Variants in MAMSTR observed in about 807,000 individuals in gnomAD.
MAMSTR encodes MEF2-activating motif and SAP domain-containing transcriptional regulator.
In MAMSTR, 41 loss-of-function variants were observed where a neutral mutation model predicts 42.7. That is an observed-to-expected ratio of 0.96 (90% CI 0.75 to 1.25). MAMSTR has a LOEUF of 1.25. Ranked by LOEUF, MAMSTR falls within the 50% of genes most tolerant of loss-of-function variation. MAMSTR has a pLI of 0.00. For synonymous variants in MAMSTR, 265 were observed against 244.1 expected, an observed-to-expected ratio of 1.09 and a Z score of -0.80; for missense variants, 567 against 557.6, an observed-to-expected ratio of 1.02 and a Z score of -0.17.
At chr19:48,707,772 A>G (rs1312469151), downstream of MAMSTR, among the ~76,000 whole-genome samples, 8 of 142,364 alleles carry the variant, frequency 5.6e-5, no homozygotes, top group Admixed American at 1.5e-4. Flanking sequence ...AAGAAAAGAG[A>G]AAGAAAGAAA....
intron 2 of MAMSTR, among the ~76,000 whole-genome samples, chr19:48,718,559 G>T (rs1277462121): frequency 2.6e-5 from 4 of 151,958 alleles, no homozygotes; most frequent in South Asian, 2.1e-4. Flanking sequence ...GGCTATACTT[G>T]CAGACTTTTT....
At chr19:48,713,808 G>A (rs1401934085) in intron 8 of MAMSTR, 38 bp from the exon 9 acceptor site, 1 of 1,614,198 alleles carries the variant, frequency 6.2e-7, no homozygotes, top group Admixed American at 1.7e-5. Flanking sequence ...TCGGGACTGC[G>A]ACCTGGACCT....
rs1332213370 is a variant in MAMSTR, at chr19:48,713,605, C to G, written c.965-55G>C. On this transcript the variant is annotated intron_variant, in intron 9 of 9. Coordinates refer to ENST00000318083, the MANE Select transcript of MAMSTR (RefSeq NM_001130915.2). ...GGAAAGTCAGGGGTCCGGGCGCCAG[C>G]CCCCCATACCCCATTTCCAGGATCC... 1.9e-6 allele frequency: 3 copies of G among 1,593,646 alleles called. No individual in the cohort carries two copies. In the East Asian group the frequency reaches 6.7e-5, roughly 36 times the overall value.
In MAMSTR at chr19:48,713,045, GC is replaced by G. The variant is rs1489576483; in HGVS notation, c.*221del. On this transcript the variant is annotated 3_prime_UTR_variant, in exon 10 of 10. Transcript: ENST00000318083. ...TTTGCCGTGGCCAGCAGCAAAAGAA[GC>G]CCCCCAACCATACCACGCCGGAGGG... The G allele has an allele frequency of 8.3e-6, 4 of 482,590 alleles. No individual in the cohort carries two copies. Among genetic ancestry groups the G allele is most frequent in the African/African-American group, 6.0e-5 (3 of 49,620 alleles). 29.9% of individuals were successfully genotyped at this position (482,590 alleles called of 1,614,324 possible). A position where few individuals can be genotyped will look rare whatever the true frequency, so the allele number is the denominator to read the frequency against.
At position 48,719,119 on chromosome 19, in the gene MAMSTR, G is replaced by T; in HGVS notation, c.-21-67C>A. On this transcript the variant is annotated intron_variant, in intron 1 of 9. Coordinates refer to ENST00000318083, the MANE Select transcript of MAMSTR (RefSeq NM_001130915.2). This position sits in a 1 kb window ranked among gnomAD's most constrained non-coding sequence, Gnocchi z 4.4. ...GGCTCAGAGTGGAGGTCAGGAGGCC[G>T]CCCCTGAGAGTGAATTCAGCAGGGA... The T allele has an allele frequency of 9.1e-7, 1 of 1,099,832 alleles. No homozygotes were observed. The highest frequency in any genetic ancestry group is 1.3e-6 in the Non-Finnish European group (1 of 744,316). 68.1% of individuals were successfully genotyped at this position (1,099,832 alleles called of 1,614,324 possible).
chr19:48,710,347 T>C (rs143059942), downstream of MAMSTR, among the ~76,000 whole-genome samples: 5,648 of 144,940 alleles, frequency 0.039, 172 homozygotes, highest in Non-Finnish European at 0.05. Context: ...ACTTCTGACC[T>C]CAGGTGATCC....
At chr19:48,718,256 C>T (rs2033119457) in intron 2 of MAMSTR, among the ~76,000 whole-genome samples, 1 of 152,184 alleles carries the variant, frequency 6.6e-6, no homozygotes, top group African/African-American at 2.4e-5. Flanking sequence ...TTTTTGTATA[C>T]TCCTTGCTCT....
At chr19:48,711,749 T>TA (rs1208602579), downstream of MAMSTR, among the ~76,000 whole-genome samples, 2,024 of 143,214 alleles carry the variant, frequency 0.014, 53 homozygotes, top group African/African-American at 0.049. Flanking sequence ...GTTTTTTTTT[T>TA]TTTTTTTTTT....
chr19:48,706,183 A>C, the MAMSTR span, among the ~76,000 whole-genome samples: 1 of 150,694 alleles, frequency 6.6e-6, no homozygotes, highest in Non-Finnish European at 1.5e-5. Context: ...GCTACTTGGC[A>C]GGCTTAAGCA....
chr19:48,710,273 TA>T (rs200433550), downstream of MAMSTR, among the ~76,000 whole-genome samples: 30 of 145,182 alleles, frequency 2.1e-4, no homozygotes, highest in African/African-American at 4.0e-4. Flanking sequence ...CCTGGCTAAT[TA>T]TTTTTTTTTT....
chr19:48,713,497 G>A lies in MAMSTR; in HGVS notation c.1018C>T (p.Pro340Ser), dbSNP rs889765949. 4.3e-6 allele frequency: 7 copies of A among 1,612,678 alleles called. No homozygotes were observed. The highest frequency in any genetic ancestry group is 2.2e-5 in the East Asian group (1 of 44,862). ...GAGAGGCCTTCAGAGTCCGGGGAGGGGGACAGCACGTCGAAGGAGCCAGGG... is the reference window on the plus strand; with the variant it reads ...GAGAGGCCTTCAGAGTCCGGGGAGGAGGACAGCACGTCGAAGGAGCCAGGG... Reference protein sequence around the residue: ...DFPGSFDVLSPSPDSEGLSSV... With the variant: ...DFPGSFDVLSSSPDSEGLSSV... Residue 340 changes from proline to serine, a missense_variant, in exon 10 of 10, where the codon CCC (proline) becomes TCC (serine). Physicochemically the swap from Pro to Ser is moderately conservative, Grantham distance 74. Transcript: ENST00000318083.
Position 48,719,128 on chromosome 19 carries a change from A to C in MAMSTR, c.-21-76T>G. 9.8e-7 allele frequency: 1 copy of C among 1,020,398 alleles called. No homozygotes were observed. The highest frequency in any genetic ancestry group is 1.5e-6 in the Non-Finnish European group (1 of 673,848). The allele number at this position is 1,020,398 out of a possible 1,614,324, so 63.2% of individuals were successfully genotyped here. On this transcript the variant is annotated intron_variant, in intron 1 of 9. Coordinates refer to ENST00000318083, the MANE Select transcript of MAMSTR (RefSeq NM_001130915.2). This position sits in a 1 kb window ranked among gnomAD's most constrained non-coding sequence, Gnocchi z 4.4. ...TGGAGGTCAGGAGGCCGCCCCTGAGAGTGAATTCAGCAGGGAAAGGGCCCG... is the reference window on the plus strand; with the variant it reads ...TGGAGGTCAGGAGGCCGCCCCTGAGCGTGAATTCAGCAGGGAAAGGGCCCG...
chr19:48,710,341 C>T (rs1252860391), downstream of MAMSTR, among the ~76,000 whole-genome samples: 2 of 146,976 alleles, frequency 1.4e-5, no homozygotes, highest in African/African-American at 5.1e-5. Context: ...TCTCGAACTT[C>T]TGACCTCAGG....
intron 2 of MAMSTR, chr19:48,717,053 C>G: frequency 1.0e-6 from 1 of 999,224 alleles, no homozygotes; most frequent in Non-Finnish European, 1.2e-6. Context: ...ACCCCACCCC[C>G]TGCGCAATCG....
chr19:48,715,518 G>A lies in MAMSTR; in HGVS notation c.241-72C>T, dbSNP rs1011060615. 4 of 1,466,506 alleles carry A rather than the reference G, an allele frequency of 2.7e-6. No homozygotes were observed. In the East Asian group the frequency reaches 1.0e-4, roughly 37 times the overall value. 90.8% of individuals were successfully genotyped at this position (1,466,506 alleles called of 1,614,324 possible). A position where few individuals can be genotyped will look rare whatever the true frequency, so the allele number is the denominator to read the frequency against. On this transcript the variant is annotated intron_variant, in intron 4 of 9. Coordinates refer to ENST00000318083, the MANE Select transcript of MAMSTR (RefSeq NM_001130915.2). ...TTCCGGCCCCAGGACTACATGCAAA[G>A]TATGGGGTCAGCTCGGTGCCACCGA...
chr19:48,708,494 G>A (rs994111149), downstream of MAMSTR, among the ~76,000 whole-genome samples: 1 of 152,140 alleles, frequency 6.6e-6, no homozygotes, highest in Admixed American at 6.6e-5. Flanking sequence ...GATCCCCCTT[G>A]GTCCAGCCCT....
In MAMSTR at chr19:48,713,149, G is replaced by A. The variant is rs1355461195; in HGVS notation, c.*118C>T. ...ACTTCAGGAGGCAGGTGGGGTTGGA[G>A]GTTGTCTCCGATCCTGTGTCTGCGG... On this transcript the variant is annotated 3_prime_UTR_variant, in exon 10 of 10. Coordinates refer to ENST00000318083, the MANE Select transcript of MAMSTR (RefSeq NM_001130915.2). 1.8e-5 allele frequency: 18 copies of A among 1,007,144 alleles called. No homozygotes were observed. The highest frequency in any genetic ancestry group is 9.5e-5 in the South Asian group (5 of 52,880). 62.4% of individuals were successfully genotyped at this position (1,007,144 alleles called of 1,614,324 possible). A position where few individuals can be genotyped will look rare whatever the true frequency, so the allele number is the denominator to read the frequency against.
chr19:48,713,385 T>A lies in MAMSTR; in HGVS notation c.1130A>T (p.Glu377Val). 1.2e-6 allele frequency: 2 copies of A among 1,611,976 alleles called. No individual in the cohort carries two copies. Among genetic ancestry groups the A allele is most frequent in the Non-Finnish European group, 1.7e-6 (2 of 1,179,454 alleles). ...RDPTDSLDWL[E>V]ALSGGPPLGS... ...CAGAGGAGGACCCCCGCTCAGGGCC[T>A]CCAGCCAGTCCAGGGAGTCCGTGGG... The change falls in exon 10 of 10, where the codon GAG becomes GTG. Residue 377 changes from glutamate (E) to valine (V), a missense_variant. Glu to Val is a moderately radical substitution (Grantham distance 121). Coordinates refer to ENST00000318083, the MANE Select transcript of MAMSTR (RefSeq NM_001130915.2).
downstream of MAMSTR, among the ~76,000 whole-genome samples, chr19:48,712,423 C>CT (rs373119847): frequency 0.021 from 3,138 of 146,602 alleles, 104 homozygotes; most frequent in African/African-American, 0.061. Flanking sequence ...TTTTCTCTCT[C>CT]TCTTTTTTTT....
Sources: gnomAD v4.1 joint callset for allele counts (sites outside exome capture counted in the v4.1 genomes callset) on GRCh38, gnomAD v4.1.1 for gene constraint, Gnocchi (gnomAD v3.1) non-coding constraint, MANE v1.5 for transcripts, NCBI Gene and HGNC (gene_info 2026-07-23, HGNC 2026-07-21) for gene names.